PCDH15: variants seen among roughly 807,000 people sequenced by gnomAD.
The protein encoded by PCDH15 is protocadherin related 15.
A neutral mutation model predicts 178.5 loss-of-function variants in PCDH15; 129 were observed. The ratio of observed to expected loss-of-function variants is 0.72; its 90% CI spans 0.63 to 0.84. The LOEUF (loss-of-function observed/expected upper bound fraction) is 0.84, where lower values mean the gene tolerates loss of function less well. Ranked by LOEUF, PCDH15 falls within the 40% of genes least tolerant of loss-of-function variation. The pLI is 0.00. For missense variants in PCDH15, 2,230 were observed against 2,099.9 expected (o/e 1.06, Z -1.21); for synonymous variants, 800 against 732.0 (o/e 1.09, Z -1.50).
At chr10:55,158,027 G>T (rs1838942265) in intron 2 of PCDH15, among the ~76,000 whole-genome samples, 1 of 150,452 alleles carries the variant, frequency 6.6e-6, no homozygotes, top group South Asian at 2.1e-4. Context: ...ATGCTCTATA[G>T]TTCCAAAACA....
intron 1 of PCDH15, among the ~76,000 whole-genome samples, chr10:54,756,056 A>ACACACACACACAC (rs1947047019): frequency 8.2e-4 from 59 of 71,736 alleles, no homozygotes; most frequent in African/African-American, 2.3e-3. Context: ...CTCTACTAAA[A>ACACACACACACAC]ACACACACAC....
chr10:55,313,072 C>T (rs1843629614), intron 1 of PCDH15, among the ~76,000 whole-genome samples: 1 of 152,070 alleles, frequency 6.6e-6, no homozygotes, highest in Non-Finnish European at 1.5e-5. Context: ...AGAAAATGTA[C>T]TTAGGAGTTC....
chr10:55,379,442 G>A (rs1588970151), intron 2 of PCDH15, among the ~76,000 whole-genome samples: 1 of 151,702 alleles, frequency 6.6e-6, no homozygotes, highest in East Asian at 1.9e-4. Context: ...GTAATATATT[G>A]GTATTTATTT....
At chr10:54,178,558 A>G (rs1199826911) in intron 13 of PCDH15, among the ~76,000 whole-genome samples, 1 of 152,078 alleles carries the variant, frequency 6.6e-6, no homozygotes, top group Non-Finnish European at 1.5e-5. Context: ...AGTCTAAGAC[A>G]GGAAAGAAGA....
chr10:54,228,317 G>A (rs1055750801), intron 9 of PCDH15, among the ~76,000 whole-genome samples: 1 of 152,138 alleles, frequency 6.6e-6, no homozygotes, highest in African/African-American at 2.4e-5. Flanking sequence ...GGCAAAGAGA[G>A]AACACTTGTG....
chr10:53,910,014 T>A (rs1007873871), intron 25 of PCDH15, among the ~76,000 whole-genome samples: 4 of 152,026 alleles, frequency 2.6e-5, no homozygotes, highest in Non-Finnish European at 5.9e-5. Flanking sequence ...AAGCCCAAAC[T>A]GGGAGGAGCC....
intron 2 of PCDH15, among the ~76,000 whole-genome samples, chr10:55,009,656 T>C (rs1840007148): frequency 6.6e-6 from 1 of 152,166 alleles, no homozygotes; most frequent in African/African-American, 2.4e-5. Flanking sequence ...AGAATTATTA[T>C]TATTTAGGTG....
intron 3 of PCDH15, among the ~76,000 whole-genome samples, chr10:54,388,764 G>A (rs1225219017): frequency 6.6e-6 from 1 of 152,168 alleles, no homozygotes; most frequent in Non-Finnish European, 1.5e-5. Flanking sequence ...AAAAGCATTG[G>A]AAAGACGTTC....
At position 55,404,975 on chromosome 10, in the gene PCDH15, T is replaced by C. The variant is rs568687583; in HGVS notation, c.-156+222650A>G. On this transcript the variant is annotated intron_variant, in intron 2 of 5. Coordinates refer to the PCDH15 transcript ENST00000613346. ...CTTCTTCCACCTAATTAGCTTACAGTTGACCTTTAGAAAGTGGTACTTAAT... is the reference window on the plus strand; with the variant it reads ...CTTCTTCCACCTAATTAGCTTACAGCTGACCTTTAGAAAGTGGTACTTAAT... 3.3e-5 allele frequency among the ~76,000 whole-genome samples: 5 copies of C among 151,908 alleles called. No homozygotes were observed. In the South Asian group the frequency reaches 6.2e-4, roughly 19 times the overall value.
rs1222656232 is a variant in PCDH15 at position 55,627,755 on chromosome 10, T to C, written c.-284-2A>G. The C allele has an allele frequency of 6.6e-6, 1 of 151,952 alleles. No homozygotes were observed. Among genetic ancestry groups the C allele is most frequent in the Non-Finnish European group, 1.5e-5 (1 of 68,048 alleles). 9.4% of individuals were successfully genotyped at this position (151,952 alleles called of 1,614,324 possible). A position where few individuals can be genotyped will look rare whatever the true frequency, so the allele number is the denominator to read the frequency against. ...TCCTGCCAAGCGCTTCTCTCTCGAC[T>C]AGTTACCAATTGAGAAAAAAAAGGG... is the stretch of plus-strand genomic sequence containing the variant. On this transcript the variant is annotated splice_acceptor_variant, in intron 1 of 5. Coordinates refer to the PCDH15 transcript ENST00000613346. LOFTEE classifies it low-confidence loss of function (5UTR_SPLICE).
chr10:54,375,898 AT>A (rs201891361), intron 4 of PCDH15, among the ~76,000 whole-genome samples: 1 of 139,570 alleles, frequency 7.2e-6, no homozygotes, highest in African/African-American at 2.7e-5. Context: ...TATATATATA[AT>A]TTTTTTTCTT....
intron 1 of PCDH15, among the ~76,000 whole-genome samples, chr10:55,200,859 C>T (rs1393266924): frequency 6.6e-6 from 1 of 152,040 alleles, no homozygotes; most frequent in Non-Finnish European, 1.5e-5. Context: ...CTTCCCCTTC[C>T]CCTTCTGCCA....
At chr10:54,698,958 T>A (rs953091041) in intron 1 of PCDH15, among the ~76,000 whole-genome samples, 2 of 152,132 alleles carry the variant, frequency 1.3e-5, no homozygotes, top group Non-Finnish European at 2.9e-5. Flanking sequence ...ATATAATAAA[T>A]TCTTCTTTGT....
At chr10:54,210,282 T>C (rs983847776) in intron 10 of PCDH15, among the ~76,000 whole-genome samples, 5 of 152,052 alleles carry the variant, frequency 3.3e-5, no homozygotes, top group African/African-American at 1.2e-4. Context: ...AGTATTTAGA[T>C]AGAGTGAAGA....
intron 16 of PCDH15, among the ~76,000 whole-genome samples, chr10:54,085,207 G>GA (rs1244640070): frequency 2.0e-5 from 3 of 151,744 alleles, no homozygotes; most frequent in Non-Finnish European, 4.4e-5. Flanking sequence ...AAACTGATAT[G>GA]AAAAATATAA....
intron 1 of PCDH15, among the ~76,000 whole-genome samples, chr10:54,706,906 G>A (rs1040114802): frequency 3.9e-5 from 6 of 152,290 alleles, no homozygotes; most frequent in Admixed American, 1.3e-4. Context: ...ACAGGCATGA[G>A]CCATGGCGCC....
Position 54,701,835 on chromosome 10 carries a change from G to C in PCDH15, c.-28-37545C>G, listed in dbSNP as rs2095312013. Among the ~76,000 whole-genome samples the C allele has an allele frequency of 3.9e-5, 6 of 152,042 alleles. No individual in the cohort carries two copies. In the South Asian group the frequency reaches 1.2e-3, roughly 32 times the overall value. Reference sequence around the variant, plus strand: ...TCTTAGAGACCTACAAAGAGACTTAGATAACCACACACCAGTAGTGGGAGA... The same window carrying C: ...TCTTAGAGACCTACAAAGAGACTTACATAACCACACACCAGTAGTGGGAGA... On this transcript the variant is annotated intron_variant, in intron 1 of 37. Coordinates refer to ENST00000644397, the MANE Select transcript of PCDH15 (RefSeq NM_001384140.1).
chr10:54,701,599 G>A (rs1450753983), intron 1 of PCDH15, among the ~76,000 whole-genome samples: 1 of 152,008 alleles, frequency 6.6e-6, no homozygotes, highest in Non-Finnish European at 1.5e-5. Context: ...AAATTAAAGG[G>A]ATGGAGAAAA....
At chr10:55,514,568 GATT>G (rs1036936697) in intron 2 of PCDH15, among the ~76,000 whole-genome samples, 1 of 152,134 alleles carries the variant, frequency 6.6e-6, no homozygotes, top group African/African-American at 2.4e-5. Flanking sequence ...GTAAAAATAT[GATT>G]AGACATAAAA....
Sources: gnomAD v4.1 joint callset for allele counts (sites outside exome capture counted in the v4.1 genomes callset) on GRCh38, gnomAD v4.1.1 for gene constraint, MANE v1.5 for transcripts, NCBI Gene and HGNC (gene_info 2026-07-23, HGNC 2026-07-21) for gene names.